Variants in LAMA2 observed in about 807,000 individuals in gnomAD.
LAMA2 encodes the protein laminin subunit alpha-2.
Under a neutral mutation model 364.8 loss-of-function variants are expected in LAMA2, and 269 were observed. The ratio of observed to expected loss-of-function variants is 0.74; its 90% CI spans 0.67 to 0.82. LAMA2 has a LOEUF of 0.82. LAMA2 is among the 40% of genes least tolerant of loss of function. LAMA2 has a pLI of 0.00. For missense variants in LAMA2, 3,807 were observed against 3,873.2 expected, an observed-to-expected ratio of 0.98 and a Z score of 0.45; for synonymous variants, 1,379 against 1,370.6, an observed-to-expected ratio of 1.01 and a Z score of -0.14.
chr6:129,316,174 A>G lies in LAMA2; in HGVS notation c.4058+3A>G, dbSNP rs781716820. On this transcript the variant is annotated splice_donor_region_variant and intron_variant, in intron 27 of 64. Transcript: ENST00000421865. ...GGAAATTTCATGCGACAAAGCAGGT[A>G]AACTCTAATAGAAAATATTCAAGCT... 2.5e-6 allele frequency: 4 copies of G among 1,597,098 alleles called. No individual in the cohort carries two copies. The highest frequency in any genetic ancestry group is 2.1e-4 in the Middle Eastern group (1 of 4,766).
chr6:129,448,679 A>C (rs1006138239), intron 45 of LAMA2, among the ~76,000 whole-genome samples: 2 of 152,228 alleles, frequency 1.3e-5, no homozygotes, highest in Non-Finnish European at 2.9e-5. Context: ...TAGATATAAT[A>C]ATGGGATACT....
rs756131313 is a variant in LAMA2 at position 129,050,063 on chromosome 6, C to A, written c.258C>A (p.Cys86Ter). ...QPVRNPQCRI[C>*]NQNSSNPNQR... is the part of the protein sequence containing the mutation. ...TGAGGAACCCGCAGTGTCGAATCTG[C>A]AATCAAAACAGCAGCAATCCAAACC... Residue 86 changes from cysteine (C) to a stop codon, truncating the protein, a stop_gained, in exon 2 of 65, where the codon TGC becomes TGA. Transcript: ENST00000421865. LOFTEE classifies it high-confidence loss of function. 6.2e-7 allele frequency: 1 copy of A among 1,614,132 alleles called. No homozygotes were observed. Among genetic ancestry groups the A allele is most frequent in the Non-Finnish European group, 8.5e-7 (1 of 1,180,000 alleles).
chr6:129,262,065 G>T (rs544600898), intron 15 of LAMA2, among the ~76,000 whole-genome samples: 11 of 152,032 alleles, frequency 7.2e-5, no homozygotes, highest in African/African-American at 2.4e-4. Flanking sequence ...CACATACTTT[G>T]TTCTCATCCT....
chr6:128,980,760 G>T (rs1782815750), intron 1 of LAMA2, among the ~76,000 whole-genome samples: 1 of 152,208 alleles, frequency 6.6e-6, no homozygotes, highest in Admixed American at 6.5e-5. Flanking sequence ...ATTTTAGAAA[G>T]TAGGAGTAGA....
chr6:129,512,342 T>A, intron 62 of LAMA2, 21 bp from the exon 63 acceptor site: 1 of 1,612,130 alleles, frequency 6.2e-7, no homozygotes, highest in Non-Finnish European at 8.5e-7. Flanking sequence ...TCCAAAATAT[T>A]TTAAAATCTT....
intron 45 of LAMA2, among the ~76,000 whole-genome samples, chr6:129,449,456 A>G (rs1177411904): frequency 6.6e-6 from 1 of 152,068 alleles, no homozygotes; most frequent in Non-Finnish European, 1.5e-5. Context: ...AGCCTTTTTA[A>G]TAGTGGCATC....
Position 129,315,668 on chromosome 6 carries a change from AC to A in LAMA2, c.3735+14del, listed in dbSNP as rs1194018216. ...TGAAGGAAAGAAGGTAAGCACAAGA[AC>A]TTTAATGTCAAGTGAGAACAAGATA... On this transcript the variant is annotated intron_variant, in intron 25 of 64. Coordinates refer to ENST00000421865, the MANE Select transcript of LAMA2 (RefSeq NM_000426.4). 1 of 1,613,486 alleles carries A rather than the reference AC, an allele frequency of 6.2e-7. No individual in the cohort carries two copies. Among genetic ancestry groups the A allele is most frequent in the Non-Finnish European group, 8.5e-7 (1 of 1,179,338 alleles).
intron 58 of LAMA2, among the ~76,000 whole-genome samples, chr6:129,493,167 A>C (rs894851899): frequency 9.8e-5 from 15 of 152,318 alleles, no homozygotes; most frequent in African/African-American, 3.6e-4. Flanking sequence ...AAAAATAAAA[A>C]TAAATAAATA....
At chr6:129,388,347 C>T (rs1779141296) in intron 35 of LAMA2, among the ~76,000 whole-genome samples, 1 of 151,798 alleles carries the variant, frequency 6.6e-6, no homozygotes, top group Non-Finnish European at 1.5e-5. Flanking sequence ...TCCTATGTAA[C>T]AAAGCTTGCT....
At chr6:129,375,548 G>A (rs1778324809) in intron 34 of LAMA2, among the ~76,000 whole-genome samples, 1 of 152,156 alleles carries the variant, frequency 6.6e-6, no homozygotes, top group South Asian at 2.1e-4. Context: ...AATCTCTGCA[G>A]CTTTGATCTT....
intron 28 of LAMA2, among the ~76,000 whole-genome samples, chr6:129,326,496 C>A (rs1775293457): frequency 6.6e-6 from 1 of 151,820 alleles, no homozygotes; most frequent in South Asian, 2.1e-4. Flanking sequence ...GTTTCTTTTT[C>A]TTCTAAGATT....
At chr6:129,144,501 T>C (rs1583127981) in intron 5 of LAMA2, among the ~76,000 whole-genome samples, 1 of 151,982 alleles carries the variant, frequency 6.6e-6, no homozygotes, top group Non-Finnish European at 1.5e-5. Context: ...ACTGAGCCAG[T>C]ATACACACAT....
At chr6:129,070,455 A>G (rs1161561039) in intron 3 of LAMA2, among the ~76,000 whole-genome samples, 1 of 152,112 alleles carries the variant, frequency 6.6e-6, no homozygotes, top group Non-Finnish European at 1.5e-5. Context: ...ATTTTACTCA[A>G]TATATTTTTA....
At position 129,516,462 on chromosome 6, in the gene LAMA2, TTC is replaced by T. The variant is rs1277523762; in HGVS notation, c.*117_*118del. 1.6e-5 allele frequency: 17 copies of T among 1,080,852 alleles called. No homozygotes were observed. In the African/African-American group the frequency reaches 1.7e-4, roughly 11 times the overall value. The allele number at this position is 1,080,852 out of a possible 1,614,324, so 67.0% of individuals were successfully genotyped here. On this transcript the variant is annotated 3_prime_UTR_variant, in exon 65 of 65. Transcript: ENST00000421865. ...AACTAATTTGTGCATGTACATAGAA[TTC>T]TTTCTGTATTCAGATGGTGCTAATT...
chr6:129,156,719 C>CA (rs1014115218), intron 8 of LAMA2, among the ~76,000 whole-genome samples: 3 of 151,444 alleles, frequency 2.0e-5, no homozygotes, highest in Non-Finnish European at 2.9e-5. Flanking sequence ...ATAATAACAA[C>CA]AAAAAAAATG....
intron 7 of LAMA2, among the ~76,000 whole-genome samples, chr6:129,152,839 A>T (rs536205222): frequency 6.6e-6 from 1 of 152,168 alleles, no homozygotes. Context: ...TACCCTGTGT[A>T]CCCTTAGGGG....
chr6:129,392,985 AT>A (rs1779400415), intron 36 of LAMA2, 59 bp from the exon 37 acceptor site: 3 of 1,329,238 alleles, frequency 2.3e-6, no homozygotes, highest in Non-Finnish European at 3.2e-6. Context: ...TTTAATACCA[AT>A]AAACCCTAAG....
chr6:129,226,078 C>T (rs1784251297), intron 12 of LAMA2, among the ~76,000 whole-genome samples: 1 of 152,134 alleles, frequency 6.6e-6, no homozygotes, highest in South Asian at 2.1e-4. Context: ...GATCCCTTTA[C>T]CATTATGTAA....
At chr6:129,467,354 A>G (rs1016627467) in intron 51 of LAMA2, among the ~76,000 whole-genome samples, 2 of 151,762 alleles carry the variant, frequency 1.3e-5, no homozygotes, top group African/African-American at 2.4e-5. Flanking sequence ...GGGGACTCCA[A>G]AAGGGGGGAG....
Sources: allele counts gnomAD v4.1 joint callset (sites outside exome capture counted in the v4.1 genomes callset), GRCh38; gene constraint gnomAD v4.1.1; transcripts MANE v1.5; gene names NCBI Gene and HGNC (gene_info 2026-07-23, HGNC 2026-07-21).